The following PPP2R3A variants were observed in gnomAD, a reference collection of about 807,000 sequenced individuals.
PPP2R3A encodes serine/threonine-protein phosphatase 2A regulatory subunit B'' subunit alpha.
In PPP2R3A, 80 loss-of-function variants were observed where a neutral mutation model predicts 106.9. That is an observed-to-expected ratio of 0.75 (90% confidence interval 0.62 to 0.90). PPP2R3A has a LOEUF of 0.90. PPP2R3A is among the 40% of genes least tolerant of loss of function. PPP2R3A has a pLI of 0.00. For missense variants in PPP2R3A, 1,386 were observed against 1,350.4 expected, an observed-to-expected ratio of 1.03 and a Z score of -0.41; for synonymous variants, 483 against 468.3, an observed-to-expected ratio of 1.03 and a Z score of -0.41.
At chr3:136,010,976 C>T (rs1934049625) in intron 2 of PPP2R3A, among the ~76,000 whole-genome samples, 2 of 152,176 alleles carry the variant, frequency 1.3e-5, no homozygotes, top group South Asian at 2.1e-4. Flanking sequence ...CTTCTTCACT[C>T]CAGGGCTCTC....
intron 3 of PPP2R3A, among the ~76,000 whole-genome samples, chr3:136,033,192 A>G (rs1934966222): frequency 1.3e-5 from 2 of 152,162 alleles, no homozygotes; most frequent in South Asian, 2.1e-4. Context: ...TGACTTGCAT[A>G]TGTTAAACCA....
intron 1 of PPP2R3A, among the ~76,000 whole-genome samples, chr3:135,971,102 T>G (rs986294779): frequency 6.6e-6 from 1 of 152,182 alleles, no homozygotes; most frequent in African/African-American, 2.4e-5. Context: ...AACTGTGAGA[T>G]TCCCAGGAAT....
chr3:136,057,073 C>T (rs1471217761), intron 5 of PPP2R3A, among the ~76,000 whole-genome samples: 2 of 138,638 alleles, frequency 1.4e-5, no homozygotes, highest in African/African-American at 5.2e-5. Context: ...AAGAGGACCC[C>T]CCCCACACAC....
intron 4 of PPP2R3A, among the ~76,000 whole-genome samples, chr3:136,043,160 A>C (rs1271643921): frequency 1.3e-5 from 2 of 152,062 alleles, no homozygotes; most frequent in African/African-American, 4.8e-5. Context: ...TATAAAAGTC[A>C]TAAGAATATA....
chr3:136,119,798 G>A (rs1312517735), intron 13 of PPP2R3A, among the ~76,000 whole-genome samples: 1 of 152,216 alleles, frequency 6.6e-6, no homozygotes, highest in Non-Finnish European at 1.5e-5. Flanking sequence ...AAGACAGTAT[G>A]ACAATTCCTC....
rs562131573 is a variant in PPP2R3A at position 136,024,045 on chromosome 3, T to C, written c.1996-2787T>C. On this transcript the variant is annotated intron_variant, in intron 2 of 13. Transcript: ENST00000264977. ...TTTGTAGGTCAAAAATGATCAAATA[T>C]TGGAAATGCTACAGTGACATAATAG... is the stretch of plus-strand genomic sequence containing the variant. Among the ~76,000 whole-genome samples, 13 of 152,234 alleles carry C rather than the reference T, an allele frequency of 8.5e-5. No individual in the cohort carries two copies. In the South Asian group the frequency reaches 2.7e-3, roughly 32 times the overall value.
At chr3:136,094,896 A>C (rs1264103555) in intron 10 of PPP2R3A, among the ~76,000 whole-genome samples, 1 of 152,340 alleles carries the variant, frequency 6.6e-6, no homozygotes, top group East Asian at 1.9e-4. Context: ...CCAGACAAAC[A>C]CATACCAGAG....
At chr3:136,098,588 C>G (rs1322308951) in intron 10 of PPP2R3A, among the ~76,000 whole-genome samples, 3 of 152,152 alleles carry the variant, frequency 2.0e-5, no homozygotes, top group African/African-American at 7.2e-5. Context: ...TTTTACTTTG[C>G]CATGAATTTG....
rs1553761239 is a variant in PPP2R3A, at chr3:136,139,706, A to AAAAAG, written c.3330-5334_3330-5333insAGAAA. The stretch of plus-strand genomic sequence containing the variant: ...GACTCCATCTCAAAAAAAAAAAAAA[A>AAAAAG]AAAGAGTTTGTTCTCAGCTGGGCAT... On this transcript the variant is annotated intron_variant, in intron 13 of 13. Coordinates refer to ENST00000264977, the MANE Select transcript of PPP2R3A (RefSeq NM_002718.5). 9.1e-3 allele frequency among the ~76,000 whole-genome samples: 1,366 copies of AAAAAG among 149,942 alleles called. 31 individuals are homozygous for AAAAAG. Among genetic ancestry groups the AAAAAG allele is most frequent in the African/African-American group, 0.033 (1,308 of 40,032 alleles).
chr3:135,987,750 TG>T (rs1244810838), intron 1 of PPP2R3A, among the ~76,000 whole-genome samples: 1 of 152,164 alleles, frequency 6.6e-6, no homozygotes, highest in Non-Finnish European at 1.5e-5. Context: ...AGATCTACAC[TG>T]TCTAGTACTG....
rs978282829 is a variant in PPP2R3A, at chr3:136,003,605, G to A, written c.1995+112G>A. 7 of 898,098 alleles carry A rather than the reference G, an allele frequency of 7.8e-6. No homozygotes were observed. The Admixed American group carries it at 1.2e-4, about 15-fold the overall frequency. The allele number at this position is 898,098 out of a possible 1,614,324, so 55.6% of individuals were successfully genotyped here. A position where few individuals can be genotyped will look rare whatever the true frequency, so the allele number is the denominator to read the frequency against. The stretch of plus-strand genomic sequence containing the variant: ...CCATTTTTTGTTCTACTAAAGCTCT[G>A]CCCTACACTAGGAATGATCTCACTC... On this transcript the variant is annotated intron_variant, in intron 2 of 13. Transcript: ENST00000264977.
rs1471901640 is a variant in PPP2R3A, at chr3:135,965,816, C to G, written c.-474C>G. 6.6e-6 allele frequency: 1 copy of G among 152,260 alleles called. No individual in the cohort carries two copies. Among genetic ancestry groups the G allele is most frequent in the Non-Finnish European group, 1.5e-5 (1 of 68,118 alleles). The allele number at this position is 152,260 out of a possible 1,614,324, so 9.4% of individuals were successfully genotyped here. On this transcript the variant is annotated 5_prime_UTR_variant, in exon 1 of 14. Coordinates refer to ENST00000264977, the MANE Select transcript of PPP2R3A (RefSeq NM_002718.5). ...CTTGGAGGCAAGCGCTGCCCGCGAG[C>G]TGAGCCGCCGGAGGAGGAGCCGCGG... is the stretch of plus-strand genomic sequence containing the variant.
intron 5 of PPP2R3A, among the ~76,000 whole-genome samples, chr3:136,070,059 T>C (rs1431772827): frequency 6.6e-6 from 1 of 152,192 alleles, no homozygotes; most frequent in Non-Finnish European, 1.5e-5. Flanking sequence ...GAATTTTCCA[T>C]GTTTTTAGAT....
chr3:136,139,302 G>A (rs1163811821), intron 13 of PPP2R3A, among the ~76,000 whole-genome samples: 5 of 152,166 alleles, frequency 3.3e-5, no homozygotes, highest in African/African-American at 9.7e-5. Context: ...ATCTGAAAGG[G>A]AAGACTTACT....
At chr3:136,129,042 G>C (rs141833344) in intron 13 of PPP2R3A, among the ~76,000 whole-genome samples, 10 of 151,962 alleles carry the variant, frequency 6.6e-5, no homozygotes, top group Non-Finnish European at 7.4e-5. Flanking sequence ...AATTTATAGC[G>C]CTAAATGCCC....
chr3:135,994,362 C>G (rs769410184), intron 1 of PPP2R3A, among the ~76,000 whole-genome samples: 5 of 152,088 alleles, frequency 3.3e-5, no homozygotes, highest in Non-Finnish European at 7.4e-5. Context: ...CAGTTTTTTC[C>G]TCCCAGCACA....
intron 13 of PPP2R3A, among the ~76,000 whole-genome samples, chr3:136,123,986 T>C (rs1173884769): frequency 1.3e-5 from 2 of 152,208 alleles, no homozygotes; most frequent in Admixed American, 6.5e-5. Context: ...GACCACATCT[T>C]TGGCAGATAA....
Position 136,027,081 on chromosome 3 carries a change from A to G in PPP2R3A, c.2245A>G (p.Met749Val). The change falls in exon 3 of 14, where the codon ATG (methionine) becomes GTG (valine). Residue 749 changes from methionine to valine, a missense_variant. Coordinates refer to ENST00000264977, the MANE Select transcript of PPP2R3A (RefSeq NM_002718.5). ...IEEQKADIYE[M>V]GKIAKVCGCP... ...AGAACAGAAAGCAGACATTTATGAAATGGGGAAAATTGCAAAGGTAATGTA... is the reference window on the plus strand; with the variant it reads ...AGAACAGAAAGCAGACATTTATGAAGTGGGGAAAATTGCAAAGGTAATGTA... The G allele has an allele frequency of 6.2e-7, 1 of 1,612,998 alleles. No homozygotes were observed. Among genetic ancestry groups the G allele is most frequent in the Non-Finnish European group, 8.5e-7 (1 of 1,179,458 alleles).
intron 2 of PPP2R3A, among the ~76,000 whole-genome samples, chr3:136,014,591 T>C (rs1423220445): frequency 6.6e-6 from 1 of 152,118 alleles, no homozygotes; most frequent in Non-Finnish European, 1.5e-5. Flanking sequence ...TTTACAGTTA[T>C]TGTAAAAGGG....
Sources: allele counts gnomAD v4.1 joint callset (sites outside exome capture counted in the v4.1 genomes callset), GRCh38; gene constraint gnomAD v4.1.1; transcripts MANE v1.5; gene names NCBI Gene and HGNC (gene_info 2026-07-23, HGNC 2026-07-21).